GALNT12: variants seen among roughly 807,000 people sequenced by gnomAD.
GALNT12 encodes UDP-GalNAc:polypeptide N-acetylgalactosaminyltransferase 12.
Under a neutral mutation model 55.5 loss-of-function variants are expected in GALNT12, and 45 were observed. The ratio of observed to expected loss-of-function variants is 0.81; its 90% CI spans 0.64 to 1.04. The LOEUF (loss-of-function observed/expected upper bound fraction) is 1.04. Ranked by LOEUF, GALNT12 falls within the 50% of genes least tolerant of loss-of-function variation. The pLI is 0.00. For synonymous variants in GALNT12, 304 were observed against 312.2 expected (o/e 0.97, Z 0.28); for missense variants, 709 against 754.8 (o/e 0.94, Z 0.71).
At chr9:98,842,861 T>C (rs1268029081) in intron 7 of GALNT12, among the ~76,000 whole-genome samples, 6 of 152,236 alleles carry the variant, frequency 3.9e-5, no homozygotes, top group Non-Finnish European at 1.5e-5. Context: ...CCAAATAATA[T>C]CATTTCAACA....
At chr9:98,809,155 G>A (rs1374582096) in intron 1 of GALNT12, among the ~76,000 whole-genome samples, 1 of 152,228 alleles carries the variant, frequency 6.6e-6, no homozygotes, top group Non-Finnish European at 1.5e-5. Context: ...CTGATCTCAG[G>A]ATTTTAGGGG....
intron 2 of GALNT12, among the ~76,000 whole-genome samples, chr9:98,824,495 A>C (rs1339552950): frequency 6.6e-6 from 1 of 152,186 alleles, no homozygotes; most frequent in African/African-American, 2.4e-5. Flanking sequence ...TGTAGCTGCA[A>C]GGGAGGCTGG....
Position 98,807,732 on chromosome 9 carries a change from C to T in GALNT12, c.34C>T (p.Arg12Trp). ...WGRTARRRCP[R>W]ELRRGREALL... ...GCGCACGGCGCGGCGGCGCTGCCCG[C>T]GGGAACTGCGGCGCGGCCGGGAGGC... The change falls in exon 1 of 10, where the codon CGG (arginine) becomes TGG (tryptophan). Residue 12 changes from arginine to tryptophan, a missense_variant. By Grantham distance (101) the Arg-to-Trp change is moderately radical (BLOSUM62 -3). Transcript: ENST00000375011. 8.4e-7 allele frequency: 1 copy of T among 1,187,074 alleles called. No homozygotes were observed. The highest frequency in any genetic ancestry group is 4.0e-5 in the Admixed American group (1 of 24,694). The allele number at this position is 1,187,074 out of a possible 1,614,324, so 73.5% of individuals were successfully genotyped here.
intron 7 of GALNT12, among the ~76,000 whole-genome samples, chr9:98,841,281 A>C (rs928927607): frequency 2.6e-5 from 4 of 152,138 alleles, no homozygotes; most frequent in Non-Finnish European, 5.9e-5. Flanking sequence ...GATAGAAGTG[A>C]GTTCTAAAGG....
Position 98,840,099 on chromosome 9 carries a change from A to G in GALNT12, c.1310A>G (p.His437Arg), listed in dbSNP as rs139208509. Reference protein sequence around the residue: ...WFLETVYPELHVPEDRPGFFG... With the variant: ...WFLETVYPELRVPEDRPGFFG... ...TTGGAGACTGTGTATCCAGAACTGC[A>G]TGTGCCTGAGGACAGGCCTGGCTTC... Residue 437 changes from histidine to arginine, a missense_variant, in exon 7 of 10, where the codon CAT becomes CGT. Around this residue, in one of 5 missense-constraint regions of GALNT12, gnomAD observed 262 missense variants for 310.7 expected, o/e 0.84. Coordinates refer to ENST00000375011, the MANE Select transcript of GALNT12 (RefSeq NM_024642.5). The G allele has an allele frequency of 2.0e-5, 33 of 1,613,974 alleles. No homozygotes were observed. The highest frequency in any genetic ancestry group is 2.6e-5 in the Non-Finnish European group (31 of 1,180,020).
At position 98,831,786 on chromosome 9, in the gene GALNT12, A is replaced by G; in HGVS notation, c.746A>G (p.Glu249Gly). 6.2e-7 allele frequency: 1 copy of G among 1,614,176 alleles called. No homozygotes were observed. The highest frequency in any genetic ancestry group is 8.5e-7 in the Non-Finnish European group (1 of 1,180,038). The stretch of plus-strand genomic sequence containing the variant: ...GGTGCTTTCAGGATCCATGAAGAGG[A>G]GTCGGCAGTGGTGTGCCCGGTGATT... ...EPLLQRIHEE[E>G]SAVVCPVIDV... Residue 249 changes from glutamate (E) to glycine (G), a missense_variant, in exon 4 of 10, where the codon GAG becomes GGG. This residue lies in a region of GALNT12 where 315 missense variants were observed against 288.6 expected (regional missense o/e 1.09). Coordinates refer to ENST00000375011, the MANE Select transcript of GALNT12 (RefSeq NM_024642.5).
In GALNT12 at chr9:98,823,272, T is replaced by G; in HGVS notation, c.388T>G (p.Tyr130Asp). ...RWNPLCKEKK[Y>D]DYDNLPRTSV... is the part of the protein sequence containing the mutation. The stretch of plus-strand genomic sequence containing the variant: ...TATTTGCAGGTGCAAAGAGAAGAAA[T>G]ATGATTATGATAATTTGCCCAGGAC... Residue 130 changes from tyrosine (Y) to aspartate (D), a missense_variant, in exon 2 of 10, where the codon TAT becomes GAT. Transcript: ENST00000375011. 1 of 1,614,134 alleles carries G rather than the reference T, an allele frequency of 6.2e-7. No individual in the cohort carries two copies. The highest frequency in any genetic ancestry group is 8.5e-7 in the Non-Finnish European group (1 of 1,179,990).
chr9:98,837,551 G>A (rs1310088175), intron 6 of GALNT12, among the ~76,000 whole-genome samples: 5 of 152,132 alleles, frequency 3.3e-5, no homozygotes, highest in Admixed American at 1.3e-4. Context: ...CTAACAGCAC[G>A]GTAACTCATG....
At chr9:98,816,817 AT>A (rs35357602) in intron 1 of GALNT12, among the ~76,000 whole-genome samples, 53,122 of 73,170 alleles carry the variant, frequency 0.73, 19,018 homozygotes, top group Middle Eastern at 0.81. Flanking sequence ...TGTCCAGCTA[AT>A]TTTTTTTTTT....
intron 7 of GALNT12, among the ~76,000 whole-genome samples, chr9:98,843,769 C>T (rs1014987636): frequency 6.6e-6 from 1 of 152,074 alleles, no homozygotes; most frequent in Non-Finnish European, 1.5e-5. Flanking sequence ...TAATCTAGTT[C>T]GAGGTATCAA....
intron 7 of GALNT12, among the ~76,000 whole-genome samples, chr9:98,843,329 G>A (rs902816545): frequency 6.6e-6 from 1 of 151,912 alleles, no homozygotes; most frequent in Non-Finnish European, 1.5e-5. Context: ...TTGCAGCTCA[G>A]TTTGTTTATA....
chr9:98,822,423 G>A lies in GALNT12; in HGVS notation c.372-833G>A, dbSNP rs529751377. ...CAGGGAACCTTCAGTTCAAAGTGAC[G>A]GCAAATTGCTAAACAAAGAGGGAGC... On this transcript the variant is annotated intron_variant, in intron 1 of 9. Coordinates refer to ENST00000375011, the MANE Select transcript of GALNT12 (RefSeq NM_024642.5). 8.5e-5 allele frequency among the ~76,000 whole-genome samples: 13 copies of A among 152,258 alleles called. No homozygotes were observed. The East Asian group carries it at 2.3e-3, about 27-fold the overall frequency.
At chr9:98,813,374 A>G (rs1835534200) in intron 1 of GALNT12, among the ~76,000 whole-genome samples, 3 of 152,214 alleles carry the variant, frequency 2.0e-5, no homozygotes, top group Admixed American at 1.3e-4. Flanking sequence ...TTATTTAAGC[A>G]TATTAAGCAT....
chr9:98,811,077 A>G (rs1835485352), intron 1 of GALNT12, among the ~76,000 whole-genome samples: 1 of 152,186 alleles, frequency 6.6e-6, no homozygotes, highest in Non-Finnish European at 1.5e-5. Context: ...CCCCAAAACA[A>G]TGAAATCAGA....
Position 98,834,986 on chromosome 9 carries a change from A to C in GALNT12, c.918-263A>C, listed in dbSNP as rs10819370. On this transcript the variant is annotated intron_variant, in intron 4 of 9. Coordinates refer to ENST00000375011, the MANE Select transcript of GALNT12 (RefSeq NM_024642.5). Reference sequence around the variant, plus strand: ...CCCCTGCCCTCCTCAGTGTTCTCCCAGGGCCCTGGCTGACCTTAGTTAACA... The same window carrying C: ...CCCCTGCCCTCCTCAGTGTTCTCCCCGGGCCCTGGCTGACCTTAGTTAACA... 0.11 allele frequency among the ~76,000 whole-genome samples: 17,156 copies of C among 152,086 alleles called. 1,244 individuals carry two copies. Among genetic ancestry groups the C allele is most frequent in the East Asian group, 0.3 (1,539 of 5,146 alleles).
At chr9:98,841,244 G>T (rs1836278886) in intron 7 of GALNT12, among the ~76,000 whole-genome samples, 2 of 152,120 alleles carry the variant, frequency 1.3e-5, no homozygotes, top group Admixed American at 1.3e-4. Context: ...TCTTCAAGTT[G>T]TGCCTCTCTC....
intron 1 of GALNT12, among the ~76,000 whole-genome samples, chr9:98,816,899 A>G (rs1835625176): frequency 7.2e-6 from 1 of 139,374 alleles, no homozygotes; most frequent in African/African-American, 2.7e-5. Flanking sequence ...ATCTCGGCTC[A>G]CTGCAAGCTC....
chr9:98,807,914 G>A lies in GALNT12; in HGVS notation c.216G>A (p.Ala72=). 2.5e-6 allele frequency: 3 copies of A among 1,218,784 alleles called. No homozygotes were observed. The highest frequency in any genetic ancestry group is 4.3e-5 in the Admixed American group (1 of 23,466). The allele number at this position is 1,218,784 out of a possible 1,614,324, so 75.5% of individuals were successfully genotyped here. A position where few individuals can be genotyped will look rare whatever the true frequency, so the allele number is the denominator to read the frequency against. Residue 72 remains alanine (A), a synonymous_variant, in exon 1 of 10, where the codon GCG becomes GCA. Transcript: ENST00000375011. Reference sequence around the variant, plus strand: ...TCATGCCGCGGCCGCCGGTGCCGGCGAACGCGCTGGGCGCGCGGGGCGAGG... The same window carrying A: ...TCATGCCGCGGCCGCCGGTGCCGGCAAACGCGCTGGGCGCGCGGGGCGAGG... ...EPVMPRPPVP[A]NALGARGEAV... is the part of the protein sequence containing the mutation.
At chr9:98,834,232 C>T (rs1836073992) in intron 4 of GALNT12, among the ~76,000 whole-genome samples, 1 of 152,144 alleles carries the variant, frequency 6.6e-6, no homozygotes, top group Non-Finnish European at 1.5e-5. Flanking sequence ...GATTCTCCTG[C>T]CTCAGCCTCC....
Sources: allele counts gnomAD v4.1 joint callset (sites outside exome capture counted in the v4.1 genomes callset), GRCh38; gene constraint gnomAD v4.1.1; regional missense constraint gnomAD v4.1.1; transcripts MANE v1.5; gene names NCBI Gene and HGNC (gene_info 2026-07-23, HGNC 2026-07-21).